KLHL36: variants seen among roughly 807,000 people sequenced by gnomAD.
The protein encoded by KLHL36 is kelch like family member 36.
In KLHL36, 35 loss-of-function variants were observed where a neutral mutation model predicts 53.3. The observed-to-expected ratio is 0.66, with a 90% confidence interval of 0.50 to 0.87. The LOEUF (loss-of-function observed/expected upper bound fraction) is 0.87. Among genes scored for constraint, KLHL36 ranks in the 40% least tolerant of loss-of-function variants. KLHL36 has a pLI of 0.00. For missense variants in KLHL36, 864 were observed against 897.6 expected (o/e 0.96, Z 0.48); for synonymous variants, 472 against 398.9 (o/e 1.18, Z -2.18).
Position 84,662,720 on chromosome 16 carries a change from T to C in KLHL36, c.*587T>C, listed in dbSNP as rs767399198. ...TAAATGAGTGCACAGAGACCACCCATGAGGGTGAGTGAGTGAGTGACCAGG... is the reference window on the plus strand; with the variant it reads ...TAAATGAGTGCACAGAGACCACCCACGAGGGTGAGTGAGTGAGTGACCAGG... On this transcript the variant is annotated 3_prime_UTR_variant, in exon 5 of 5. Transcript: ENST00000564996. The C allele has an allele frequency of 6.6e-6, 1 of 152,302 alleles. No individual in the cohort carries two copies. Among genetic ancestry groups the C allele is most frequent in the African/African-American group, 2.4e-5 (1 of 41,450 alleles). 9.4% of individuals were successfully genotyped at this position (152,302 alleles called of 1,614,324 possible).
rs1298642798 is a variant in KLHL36 at position 84,659,753 on chromosome 16, T to A, written c.1138-7T>A. The A allele has an allele frequency of 6.2e-7, 1 of 1,613,846 alleles. No individual in the cohort carries two copies. The highest frequency in any genetic ancestry group is 2.2e-5 in the East Asian group (1 of 44,878). On this transcript the variant is annotated splice_region_variant and splice_polypyrimidine_tract_variant and intron_variant, in intron 3 of 4. Transcript: ENST00000564996. Reference sequence around the variant, plus strand: ...GAAGGGAAGGTACAGGTATCTCAACTCCACAGGTGGCCTCCATGAACCAGC... The same window carrying A: ...GAAGGGAAGGTACAGGTATCTCAACACCACAGGTGGCCTCCATGAACCAGC...
At chr16:84,660,819 A>G (rs772608022) in intron 4 of KLHL36, among the ~76,000 whole-genome samples, 1 of 152,100 alleles carries the variant, frequency 6.6e-6, no homozygotes, top group Non-Finnish European at 1.5e-5. Context: ...ACAGGATTTC[A>G]TCATGTTAGC....
intron 2 of KLHL36, 38 bp from the exon 3 acceptor site, chr16:84,656,833 G>T: frequency 6.6e-7 from 1 of 1,525,664 alleles, no homozygotes; most frequent in Non-Finnish European, 8.9e-7. Context: ...GGGCCGAGCA[G>T]GCTGCTGCGC....
chr16:84,656,885 C>T lies in KLHL36; in HGVS notation c.78C>T (p.Ala26=), dbSNP rs760695517. 1.6e-5 allele frequency: 26 copies of T among 1,608,382 alleles called. No individual in the cohort carries two copies. Among genetic ancestry groups the T allele is most frequent in the East Asian group, 2.2e-5 (1 of 44,782 alleles). Residue 26 remains alanine (A), a synonymous_variant, in exon 3 of 5, where the codon GCC becomes GCT. Coordinates refer to ENST00000564996, the MANE Select transcript of KLHL36 (RefSeq NM_024731.4). ...ISESSKVYRW[A]DHSSTVLQRL... Reference sequence around the variant, plus strand: ...TCTCTGTCCAGGTATACCGCTGGGCCGACCACTCAAGCACGGTGCTGCAGC... The same window carrying T: ...TCTCTGTCCAGGTATACCGCTGGGCTGACCACTCAAGCACGGTGCTGCAGC...
intron 1 of KLHL36, among the ~76,000 whole-genome samples, chr16:84,650,048 G>A (rs192918814): frequency 6.7e-6 from 1 of 149,278 alleles, no homozygotes; most frequent in Non-Finnish European, 1.5e-5. Context: ...TAGCCTAAGA[G>A]TTAAGAGCAT....
rs1567558976 is a variant in KLHL36 at position 84,657,424 on chromosome 16, G to T, written c.617G>T (p.Cys206Phe). 1 of 1,606,180 alleles carries T rather than the reference G, an allele frequency of 6.2e-7. No individual in the cohort carries two copies. Among genetic ancestry groups the T allele is most frequent in the Non-Finnish European group, 8.5e-7 (1 of 1,179,962 alleles). ...YLSSSEVQRE[C>F]EHDLLQAALQ... ...AGCAGCAGCGAGGTGCAGCGGGAGTGTGAGCACGACCTCCTGCAGGCCGCC... is the reference window on the plus strand; with the variant it reads ...AGCAGCAGCGAGGTGCAGCGGGAGTTTGAGCACGACCTCCTGCAGGCCGCC... Residue 206 changes from cysteine to phenylalanine, a missense_variant, in exon 3 of 5, where the codon TGT (cysteine) becomes TTT (phenylalanine). Coordinates refer to ENST00000564996, the MANE Select transcript of KLHL36 (RefSeq NM_024731.4).
Position 84,662,796 on chromosome 16 carries a change from G to C in KLHL36, c.*663G>C, listed in dbSNP as rs1402580383. 2 of 152,190 alleles carry C rather than the reference G, an allele frequency of 1.3e-5. No individual in the cohort carries two copies. The highest frequency in any genetic ancestry group is 4.8e-5 in the African/African-American group (2 of 41,446). 9.4% of individuals were successfully genotyped at this position (152,190 alleles called of 1,614,324 possible). A position where few individuals can be genotyped will look rare whatever the true frequency, so the allele number is the denominator to read the frequency against. On this transcript the variant is annotated 3_prime_UTR_variant, in exon 5 of 5. Coordinates refer to ENST00000564996, the MANE Select transcript of KLHL36 (RefSeq NM_024731.4). ...GATGAGACATGATGACTTCCCGCTG[G>C]GGAGCTGTTCTCCGTATCAGGTGAA...
Position 84,662,256 on chromosome 16 carries a change from T to A in KLHL36, c.*123T>A, listed in dbSNP as rs1291535627. The A allele has an allele frequency of 2.3e-6, 2 of 857,188 alleles. No homozygotes were observed. The highest frequency in any genetic ancestry group is 5.9e-5 in the Admixed American group (2 of 33,954). 53.1% of individuals were successfully genotyped at this position (857,188 alleles called of 1,614,324 possible). ...TTAGCAGCTTTTTTTACTTTTATGA[T>A]TCTTGGTATTTCTATGATATCACAG... is the stretch of plus-strand genomic sequence containing the variant. On this transcript the variant is annotated 3_prime_UTR_variant, in exon 5 of 5. Transcript: ENST00000564996.
chr16:84,652,878 T>C lies in KLHL36; in HGVS notation c.63+1948T>C, dbSNP rs997656379. ...GTTTTGCTTTCTCAGCATGTTGGTG[T>C]CTTCCCACTGTGTGGCCACAGTGTC... On this transcript the variant is annotated intron_variant, in intron 2 of 4. Transcript: ENST00000564996. 2.6e-5 allele frequency among the ~76,000 whole-genome samples: 4 copies of C among 152,330 alleles called. No individual in the cohort carries two copies. In the South Asian group the frequency reaches 8.3e-4, roughly 32 times the overall value.
At chr16:84,656,641 A>AAAAAAAGAAAG (rs1907217079) in intron 2 of KLHL36, among the ~76,000 whole-genome samples, 1 of 149,576 alleles carries the variant, frequency 6.7e-6, no homozygotes, top group African/African-American at 2.5e-5. Context: ...CAAAAAAAAA[A>AAAAAAAGAAAG]AAAGAAAGAA....
chr16:84,665,869 C>T lies in KLHL36; in HGVS notation c.*3736C>T, dbSNP rs1907806557. On this transcript the variant is annotated 3_prime_UTR_variant, in exon 5 of 5. Coordinates refer to ENST00000564996, the MANE Select transcript of KLHL36 (RefSeq NM_024731.4). ...GACCCCTGCCACACCCCCCACCACC[C>T]CCTGTAGAGTCACTGACCTTCATCC... 1 of 152,364 alleles carries T rather than the reference C, an allele frequency of 6.6e-6. No homozygotes were observed. Among genetic ancestry groups the T allele is most frequent in the Non-Finnish European group, 1.5e-5 (1 of 68,194 alleles). 9.4% of individuals were successfully genotyped at this position (152,364 alleles called of 1,614,324 possible).
Position 84,661,777 on chromosome 16 carries a change from G to A in KLHL36, c.1495G>A (p.Gly499Arg), listed in dbSNP as rs566556412. 6 of 1,612,894 alleles carry A rather than the reference G, an allele frequency of 3.7e-6. No individual in the cohort carries two copies. The highest frequency in any genetic ancestry group is 1.3e-5 in the African/African-American group (1 of 75,010). ...CSLGDSIYSI[G>R]GSDDNIESME... ...CCTGGGTGACAGCATCTACTCCATC[G>A]GGGGCAGCGATGACAACATCGAGTC... Residue 499 changes from glycine (G) to arginine (R), a missense_variant, in exon 5 of 5, where the codon GGG (glycine) becomes AGG (arginine). Transcript: ENST00000564996. The surrounding 1 kb of genome is among the most constrained non-coding windows in gnomAD (Gnocchi z 7.9).
intron 2 of KLHL36, among the ~76,000 whole-genome samples, chr16:84,652,249 C>A (rs1469026820): frequency 6.6e-6 from 1 of 152,012 alleles, no homozygotes; most frequent in African/African-American, 2.4e-5. Flanking sequence ...GACTAGGCTT[C>A]TGTATCACTG....
rs571310859 is a variant in KLHL36, at chr16:84,653,898, G to T, written c.63+2968G>T. The stretch of plus-strand genomic sequence containing the variant: ...CCTGTGTTTTTGGAAAGTTGTCTAT[G>T]CAGCTGTGCTAAAACACCAGAAGCA... On this transcript the variant is annotated intron_variant, in intron 2 of 4. Coordinates refer to ENST00000564996, the MANE Select transcript of KLHL36 (RefSeq NM_024731.4). 8.0e-5 allele frequency among the ~76,000 whole-genome samples: 12 copies of T among 150,656 alleles called. No homozygotes were observed. The South Asian group carries it at 2.3e-3, about 29-fold the overall frequency.
chr16:84,656,896 G>C lies in KLHL36; in HGVS notation c.89G>C (p.Ser30Thr), dbSNP rs151085925. 3.7e-6 allele frequency: 6 copies of C among 1,611,346 alleles called. No homozygotes were observed. Among genetic ancestry groups the C allele is most frequent in the Non-Finnish European group, 4.2e-6 (5 of 1,179,234 alleles). The change falls in exon 3 of 5, where the codon AGC (serine) becomes ACC (threonine). Residue 30 changes from serine (S) to threonine (T), a missense_variant. By Grantham distance (58) the Ser-to-Thr change is moderately conservative (BLOSUM62 1). Transcript: ENST00000564996. Reference sequence around the variant, plus strand: ...GTATACCGCTGGGCCGACCACTCAAGCACGGTGCTGCAGCGGCTGAACGAG... The same window carrying C: ...GTATACCGCTGGGCCGACCACTCAACCACGGTGCTGCAGCGGCTGAACGAG... ...SKVYRWADHS[S>T]TVLQRLNEQR...
rs775163992 is a variant in KLHL36, at chr16:84,657,032, C to T, written c.225C>T (p.Phe75=). ...AVCSDYFNSM[F]TIGMREAFQK... ...GCAGCGACTACTTCAACTCCATGTT[C>T]ACCATCGGCATGCGGGAAGCTTTCC... The change falls in exon 3 of 5, where the codon TTC becomes TTT. Residue 75 remains phenylalanine, a synonymous_variant. Transcript: ENST00000564996. The T allele has an allele frequency of 6.8e-6, 11 of 1,614,090 alleles. No homozygotes were observed. Among genetic ancestry groups the T allele is most frequent in the Middle Eastern group, 1.6e-4 (1 of 6,084 alleles).
rs376482048 is a variant in KLHL36 at position 84,661,565 on chromosome 16, G to T, written c.1296-13G>T. 1 of 1,562,560 alleles carries T rather than the reference G, an allele frequency of 6.4e-7. No homozygotes were observed. ...CTGAGCTCTCCCTCTGTCTCTGCCC[G>T]TCGACCCTGCAGGTTCACGTACGGC... On this transcript the variant is annotated splice_polypyrimidine_tract_variant and intron_variant, in intron 4 of 4. Transcript: ENST00000564996. The surrounding 1 kb of genome is among the most constrained non-coding windows in gnomAD (Gnocchi z 7.9).
chr16:84,651,503 C>G (rs188070435), intron 2 of KLHL36, among the ~76,000 whole-genome samples: 2 of 152,352 alleles, frequency 1.3e-5, no homozygotes, highest in East Asian at 3.9e-4. Context: ...GACCCGGCTG[C>G]TATACTTTCC....
intron 2 of KLHL36, among the ~76,000 whole-genome samples, chr16:84,656,491 A>G (rs1411908844): frequency 6.6e-6 from 1 of 150,614 alleles, no homozygotes; most frequent in Admixed American, 6.6e-5. Flanking sequence ...GCTGCTCTCA[A>G]ACTCCAGTAG....
Sources: allele counts gnomAD v4.1 joint callset (sites outside exome capture counted in the v4.1 genomes callset), GRCh38; gene constraint gnomAD v4.1.1; non-coding constraint Gnocchi (gnomAD v3.1); transcripts MANE v1.5; gene names NCBI Gene and HGNC (gene_info 2026-07-23, HGNC 2026-07-21).